Variants in NELL1 observed in about 807,000 individuals in gnomAD.
NELL1 encodes the protein protein kinase C-binding protein NELL1.
NELL1 carries 76 observed loss-of-function variants against 107.4 expected under a neutral mutation model. The ratio of observed to expected loss-of-function variants is 0.71; its 90% CI spans 0.59 to 0.86. The LOEUF (loss-of-function observed/expected upper bound fraction) is 0.86, where lower values mean the gene tolerates loss of function less well. Among genes scored for constraint, NELL1 ranks in the 40% least tolerant of loss-of-function variants. NELL1 has a pLI of 0.00. For synonymous variants in NELL1, 353 were observed against 341.2 expected, an observed-to-expected ratio of 1.03 and a Z score of -0.38; for missense variants, 1,024 against 1,005.5, an observed-to-expected ratio of 1.02 and a Z score of -0.25.
At chr11:20,953,764 T>C (rs989945483) in intron 11 of NELL1, among the ~76,000 whole-genome samples, 1 of 152,192 alleles carries the variant, frequency 6.6e-6, no homozygotes, top group African/African-American at 2.4e-5. Context: ...CCAACCTCAT[T>C]CATCCTTCAA....
intron 15 of NELL1, among the ~76,000 whole-genome samples, chr11:21,435,447 T>G (rs868547536): frequency 8.0e-4 from 37 of 46,514 alleles, no homozygotes; most frequent in Middle Eastern, 0.013. Flanking sequence ...TGTTTTTTGT[T>G]TTTTTTTTAC....
intron 17 of NELL1, among the ~76,000 whole-genome samples, chr11:21,570,170 A>T (rs75491195): frequency 6.6e-6 from 1 of 151,602 alleles, no homozygotes; most frequent in South Asian, 2.1e-4. Context: ...CTTATTATAC[A>T]CCCCTGTAGT....
At position 21,570,783 on chromosome 11, in the gene NELL1, G is replaced by T. The variant is rs202048383; in HGVS notation, c.2000G>T (p.Arg667Leu). 1 of 1,611,398 alleles carries T rather than the reference G, an allele frequency of 6.2e-7. No individual in the cohort carries two copies. The highest frequency in any genetic ancestry group is 1.1e-5 in the South Asian group (1 of 90,936). ...CSCKDGKIFC[R>L]RTACDCQNPS... ...AAACAGGATGGCAAGATATTCTGCC[G>T]ACGGACAGCTTGTGATTGCCAGAAT... The change falls in exon 18 of 20, where the codon CGA becomes CTA. Residue 667 changes from arginine (R) to leucine (L), a missense_variant. By Grantham distance (102) the Arg-to-Leu change is moderately radical. Transcript: ENST00000357134.
chr11:21,165,189 G>C (rs1856453564), intron 13 of NELL1, among the ~76,000 whole-genome samples: 1 of 152,192 alleles, frequency 6.6e-6, no homozygotes, highest in Admixed American at 6.5e-5. Flanking sequence ...TCTTCACTTT[G>C]ACTGCCTATG....
chr11:21,337,770 T>C (rs576972166), intron 14 of NELL1, among the ~76,000 whole-genome samples: 1 of 145,166 alleles, frequency 6.9e-6, no homozygotes, highest in African/African-American at 2.6e-5. Flanking sequence ...CTTTCTTTCT[T>C]TCTTTCTTTC....
intron 15 of NELL1, among the ~76,000 whole-genome samples, chr11:21,514,658 C>T (rs1855515553): frequency 6.8e-6 from 1 of 147,734 alleles, no homozygotes. Flanking sequence ...ATATAGCTCC[C>T]CTGTGCCAAA....
At chr11:21,224,775 T>A (rs1441565878) in intron 13 of NELL1, among the ~76,000 whole-genome samples, 2 of 152,204 alleles carry the variant, frequency 1.3e-5, no homozygotes, top group Admixed American at 1.3e-4. Flanking sequence ...ATTCATTGAA[T>A]TGTTCTCTTT....
intron 15 of NELL1, among the ~76,000 whole-genome samples, chr11:21,472,980 C>T (rs997174027): frequency 1.3e-5 from 2 of 151,938 alleles, no homozygotes; most frequent in Non-Finnish European, 2.9e-5. Context: ...TTAATCATAC[C>T]TAGTCTCTAC....
At chr11:21,307,456 C>T (rs1305643085) in intron 14 of NELL1, among the ~76,000 whole-genome samples, 1 of 151,888 alleles carries the variant, frequency 6.6e-6, no homozygotes. Flanking sequence ...TTCCCAAACA[C>T]ACACCTACAT....
At chr11:21,220,609 C>G (rs1190188761) in intron 13 of NELL1, among the ~76,000 whole-genome samples, 1 of 151,672 alleles carries the variant, frequency 6.6e-6, no homozygotes, top group African/African-American at 2.4e-5. Flanking sequence ...AAATTTATTC[C>G]TAGGTGTTTT....
intron 2 of NELL1, among the ~76,000 whole-genome samples, chr11:20,774,176 CCCATCCCCTCCCCT>C: frequency 1.2e-5 from 1 of 85,998 alleles, no homozygotes; most frequent in Non-Finnish European, 2.4e-5. Context: ...CCCCTCCCCT[CCCATCCCCTCCCCT>C]CCCATCCAGT....
chr11:20,829,223 ATTT>A (rs758970966), intron 3 of NELL1, among the ~76,000 whole-genome samples: 5 of 118,876 alleles, frequency 4.2e-5, no homozygotes, highest in African/African-American at 3.3e-5. Context: ...CTGCAGGACT[ATTT>A]TTTTTTTTTT....
intron 12 of NELL1, among the ~76,000 whole-genome samples, chr11:21,098,821 T>G (rs11025913): frequency 0.19 from 28,862 of 152,006 alleles, 3,117 homozygotes; most frequent in South Asian, 0.37. Flanking sequence ...TCTCTCTCTC[T>G]CTGTCTGCCT....
In NELL1 at chr11:21,037,073, T is replaced by G. The variant is rs181345046; in HGVS notation, c.1300+76513T>G. ...GATCCTGTGAAGCCTGGATTAAGGA[T>G]GTACCTGCAAGTACCAGTACTGTTT... On this transcript the variant is annotated intron_variant, in intron 12 of 19. Transcript: ENST00000357134. 2.0e-4 allele frequency among the ~76,000 whole-genome samples: 30 copies of G among 152,206 alleles called. 1 individual carries two copies. The highest frequency in any genetic ancestry group is 3.3e-4 in the Admixed American group (5 of 15,276).
At chr11:20,692,413 G>A (rs1162160375) in intron 2 of NELL1, among the ~76,000 whole-genome samples, 1 of 151,672 alleles carries the variant, frequency 6.6e-6, no homozygotes, top group African/African-American at 2.4e-5. Context: ...GCTTTCTCTT[G>A]TGGGCATTTA....
At chr11:21,519,092 C>T (rs1235431075) in intron 15 of NELL1, among the ~76,000 whole-genome samples, 3 of 152,154 alleles carry the variant, frequency 2.0e-5, no homozygotes, top group Non-Finnish European at 4.4e-5. Context: ...TCACGTTCTC[C>T]AGCCAGCTGA....
intron 5 of NELL1, among the ~76,000 whole-genome samples, chr11:20,900,735 C>A (rs891091781): frequency 6.6e-6 from 1 of 151,962 alleles, no homozygotes; most frequent in Admixed American, 6.6e-5. Context: ...TTATTAGCAA[C>A]CTGTTTATTA....
chr11:20,694,695 A>C (rs1432063583), intron 2 of NELL1, among the ~76,000 whole-genome samples: 1 of 152,134 alleles, frequency 6.6e-6, no homozygotes, highest in Non-Finnish European at 1.5e-5. Flanking sequence ...GTTTGGTAAT[A>C]GAAAATATAG....
chr11:20,892,089 T>A (rs962528329), intron 5 of NELL1, among the ~76,000 whole-genome samples: 1 of 152,182 alleles, frequency 6.6e-6, no homozygotes, highest in East Asian at 1.9e-4. Flanking sequence ...ATGACTCTTA[T>A]TCTAAAATCA....
Sources: gnomAD v4.1 joint callset for allele counts (sites outside exome capture counted in the v4.1 genomes callset) on GRCh38, gnomAD v4.1.1 for gene constraint, MANE v1.5 for transcripts, NCBI Gene and HGNC (gene_info 2026-07-23, HGNC 2026-07-21) for gene names.